The following RAD54L2 variants were observed in gnomAD, a reference collection of about 807,000 sequenced individuals.
The protein encoded by RAD54L2 is helicase ARIP4.
In RAD54L2, 27 loss-of-function variants were observed where a neutral mutation model predicts 138.4. The observed-to-expected ratio is 0.20, with a 90% CI of 0.14 to 0.27. The LOEUF (loss-of-function observed/expected upper bound fraction) is 0.27. Among genes scored for constraint, RAD54L2 ranks in the 10% least tolerant of loss-of-function variants. RAD54L2 has a pLI of 1.00. For missense variants in RAD54L2, 1,396 were observed against 1,890.2 expected (o/e 0.74, Z 4.85); for synonymous variants, 644 against 723.2 (o/e 0.89, Z 1.76).
chr3:51,640,084 C>T (rs977100418), intron 14 of RAD54L2, 85 bp downstream of exon 14: 13 of 988,036 alleles, frequency 1.3e-5, no homozygotes, highest in Admixed American at 4.5e-5. Context: ...AGACCACCCC[C>T]GCCTCCCCCA....
At chr3:51,581,910 G>A (rs1321771746) in intron 2 of RAD54L2, among the ~76,000 whole-genome samples, 1 of 151,428 alleles carries the variant, frequency 6.6e-6, no homozygotes, top group Non-Finnish European at 1.5e-5. Context: ...TCTTGTTTCT[G>A]TAGTCTCCCT....
In RAD54L2 at chr3:51,577,779, C is replaced by T. The variant is rs546883646; in HGVS notation, c.-54-12588C>T. 5.9e-5 allele frequency among the ~76,000 whole-genome samples: 9 copies of T among 152,198 alleles called. No individual in the cohort carries two copies. In the South Asian group the frequency reaches 1.2e-3, roughly 21 times the overall value. On this transcript the variant is annotated intron_variant, in intron 2 of 22. Coordinates refer to ENST00000684192, the MANE Select transcript of RAD54L2 (RefSeq NM_015106.4). ...CACTCCGTGGGCTCCACCCAGTGTCCGACAAGCCCCAGTGAGATGAACCTG... is the reference window on the plus strand; with the variant it reads ...CACTCCGTGGGCTCCACCCAGTGTCTGACAAGCCCCAGTGAGATGAACCTG...
rs1240780602 is a variant in RAD54L2 at position 51,630,644 on chromosome 3, G to C, written c.599-61G>C. ...GTTTCTGTAGTCTTCTGCTCTGACT[G>C]TGTGCAGTAAATTATCTTCACTCCC... On this transcript the variant is annotated intron_variant, in intron 6 of 22. Coordinates refer to ENST00000684192, the MANE Select transcript of RAD54L2 (RefSeq NM_015106.4). The C allele has an allele frequency of 3.0e-6, 4 of 1,348,586 alleles. No individual in the cohort carries two copies. The East Asian group carries it at 7.2e-5, about 24-fold the overall frequency. 83.5% of individuals were successfully genotyped at this position (1,348,586 alleles called of 1,614,324 possible).
intron 2 of RAD54L2, among the ~76,000 whole-genome samples, chr3:51,583,265 T>C (rs146204739): frequency 2.0e-5 from 3 of 152,294 alleles, no homozygotes; most frequent in African/African-American, 7.2e-5. Flanking sequence ...CTTATTGTTT[T>C]GATGTTGACT....
intron 2 of RAD54L2, among the ~76,000 whole-genome samples, chr3:51,549,239 C>G (rs1337350923): frequency 6.6e-6 from 1 of 152,048 alleles, no homozygotes; most frequent in Non-Finnish European, 1.5e-5. Flanking sequence ...GGTGATCCAT[C>G]TGCTTTGGAC....
chr3:51,550,267 C>T (rs1698803850), intron 2 of RAD54L2, among the ~76,000 whole-genome samples: 1 of 152,148 alleles, frequency 6.6e-6, no homozygotes, highest in Admixed American at 6.6e-5. Flanking sequence ...GGACCAGTGA[C>T]CTCATTTTAG....
At chr3:51,595,449 T>A (rs992003159) in intron 3 of RAD54L2, among the ~76,000 whole-genome samples, 3 of 152,146 alleles carry the variant, frequency 2.0e-5, no homozygotes, top group African/African-American at 7.2e-5. Flanking sequence ...GATCATGAGA[T>A]CTTTTACAAA....
intron 2 of RAD54L2, among the ~76,000 whole-genome samples, chr3:51,557,856 A>G (rs752785905): frequency 3.4e-5 from 5 of 147,832 alleles, no homozygotes; most frequent in Admixed American, 1.4e-4. Flanking sequence ...AAAAAAAAAG[A>G]ACATTCTATT....
At chr3:51,657,521 T>G in intron 20 of RAD54L2, 59 bp from the exon 21 acceptor site, 1 of 1,189,560 alleles carries the variant, frequency 8.4e-7, no homozygotes, top group South Asian at 1.3e-5. Context: ...TTTGCAATTT[T>G]CCCCCCTCCT....
At chr3:51,547,350 T>G (rs1698723211) in intron 2 of RAD54L2, among the ~76,000 whole-genome samples, 1 of 150,942 alleles carries the variant, frequency 6.6e-6, no homozygotes, top group Admixed American at 6.6e-5. Flanking sequence ...TCCTCCAGCC[T>G]GGGCGACAGA....
chr3:51,617,759 C>G (rs1046994778), intron 3 of RAD54L2, among the ~76,000 whole-genome samples: 8 of 152,062 alleles, frequency 5.3e-5, no homozygotes, highest in African/African-American at 1.9e-4. Context: ...GCCTGTAGTC[C>G]CAGCTGCTCA....
intron 21 of RAD54L2, among the ~76,000 whole-genome samples, chr3:51,658,362 G>A (rs887659734): frequency 6.6e-6 from 1 of 152,122 alleles, no homozygotes; most frequent in Non-Finnish European, 1.5e-5. Flanking sequence ...GCAGGGTGGG[G>A]GTCCCCTGAT....
intron 3 of RAD54L2, among the ~76,000 whole-genome samples, chr3:51,611,846 G>A (rs906521343): frequency 3.3e-5 from 5 of 151,930 alleles, no homozygotes; most frequent in Non-Finnish European, 4.4e-5. Flanking sequence ...GTGAGCCACC[G>A]CGCCTGGCCT....
Position 51,644,982 on chromosome 3 carries a change from T to A in RAD54L2, c.2451-42T>A, listed in dbSNP as rs1262633542. 4 of 1,607,542 alleles carry A rather than the reference T, an allele frequency of 2.5e-6. No individual in the cohort carries two copies. In the African/African-American group the frequency reaches 5.4e-5, roughly 22 times the overall value. On this transcript the variant is annotated intron_variant, in intron 16 of 22. Transcript: ENST00000684192. ...GGCAAAACTGATTTGAAAACCTTTT[T>A]TAAGACTAAAGGCTCTGTGATTGTT...
intron 3 of RAD54L2, among the ~76,000 whole-genome samples, chr3:51,617,429 A>G (rs1304158984): frequency 1.3e-5 from 2 of 152,168 alleles, no homozygotes; most frequent in African/African-American, 4.8e-5. Flanking sequence ...ATGTCATCTC[A>G]TATTTTAAAT....
rs755846601 is a variant in RAD54L2 at position 51,663,289 on chromosome 3, G to A, written c.4273G>A (p.Gly1425Ser). Reference sequence around the variant, plus strand: ...TCCAGGCTACATGTCCCCACATGCAGGCTACCCAGCTGGTGGCCTCCTACG... The same window carrying A: ...TCCAGGCTACATGTCCCCACATGCAAGCTACCCAGCTGGTGGCCTCCTACG... The part of the protein sequence containing the change: ...IYPGYMSPHA[G>S]YPAGGLLRSQ... Residue 1425 changes from glycine (G) to serine (S), a missense_variant, in exon 23 of 23, where the codon GGC becomes AGC. This residue lies in a region of RAD54L2 where 634 missense variants were observed against 711.2 expected (regional missense o/e 0.89). Coordinates refer to ENST00000684192, the MANE Select transcript of RAD54L2 (RefSeq NM_015106.4). The A allele has an allele frequency of 1.3e-5, 21 of 1,613,808 alleles. No individual in the cohort carries two copies. The Admixed American group carries it at 1.3e-4, about 10-fold the overall frequency.
At chr3:51,599,150 G>A (rs1236310720) in intron 3 of RAD54L2, among the ~76,000 whole-genome samples, 2 of 152,112 alleles carry the variant, frequency 1.3e-5, no homozygotes, top group Admixed American at 6.6e-5. Context: ...TTAATTGGTC[G>A]CTTGGTGGTG....
At chr3:51,585,443 G>A (rs140490028) in intron 2 of RAD54L2, among the ~76,000 whole-genome samples, 81 of 152,260 alleles carry the variant, frequency 5.3e-4, no homozygotes, top group Non-Finnish European at 1.0e-3. Context: ...AAGCCTGGTC[G>A]TCTGCTTTGT....
chr3:51,594,860 C>CTTTTTTTT (rs71278623), intron 3 of RAD54L2, among the ~76,000 whole-genome samples: 3 of 33,600 alleles, frequency 8.9e-5, no homozygotes, highest in Non-Finnish European at 1.7e-4. Flanking sequence ...TTGATGGGCG[C>CTTTTTTTT]TTTTTTTTTT....
Sources: allele counts gnomAD v4.1 joint callset (sites outside exome capture counted in the v4.1 genomes callset), GRCh38; gene constraint gnomAD v4.1.1; regional missense constraint gnomAD v4.1.1; transcripts MANE v1.5; gene names NCBI Gene and HGNC (gene_info 2026-07-23, HGNC 2026-07-21).